The following OSBPL8 variants were observed in gnomAD, a reference collection of about 807,000 sequenced individuals.
OSBPL8 encodes the protein oxysterol-binding protein-related protein 8.
In OSBPL8, 59 loss-of-function variants were observed where a neutral mutation model predicts 125.5. The ratio of observed to expected loss-of-function variants is 0.47; its 90% confidence interval spans 0.38 to 0.58. The LOEUF (loss-of-function observed/expected upper bound fraction) is 0.58, where lower values mean the gene tolerates loss of function less well. Among genes scored for constraint, OSBPL8 ranks in the 20% least tolerant of loss-of-function variants. OSBPL8 has a pLI of 0.00. For missense variants in OSBPL8, 758 were observed against 1,047.8 expected (o/e 0.72, Z 3.82); for synonymous variants, 330 against 338.9 (o/e 0.97, Z 0.29).
At chr12:76,363,721 C>T (rs781073170) in intron 21 of OSBPL8, among the ~76,000 whole-genome samples, 16 of 152,134 alleles carry the variant, frequency 1.1e-4, no homozygotes, top group Non-Finnish European at 2.1e-4. Flanking sequence ...AGTGAACAGG[C>T]AACCTACAGA....
intron 1 of OSBPL8, among the ~76,000 whole-genome samples, chr12:76,534,992 T>G (rs1182864613): frequency 6.6e-6 from 1 of 151,640 alleles, no homozygotes; most frequent in Non-Finnish European, 1.5e-5. Context: ...AAAAATTAAC[T>G]CAAAATGAAT....
At chr12:76,415,934 T>A (rs1159262259) in intron 4 of OSBPL8, among the ~76,000 whole-genome samples, 1 of 152,096 alleles carries the variant, frequency 6.6e-6, no homozygotes, top group Non-Finnish European at 1.5e-5. Context: ...TAGTCTTACA[T>A]TTATTATAGT....
intron 4 of OSBPL8, among the ~76,000 whole-genome samples, chr12:76,425,085 TCAA>T (rs1869990443): frequency 6.6e-6 from 1 of 152,104 alleles, no homozygotes; most frequent in African/African-American, 2.4e-5. Context: ...GCTATTTACG[TCAA>T]CAACAATACT....
At chr12:76,526,575 T>C (rs920735530) in intron 1 of OSBPL8, among the ~76,000 whole-genome samples, 26 of 149,028 alleles carry the variant, frequency 1.7e-4, no homozygotes, top group Non-Finnish European at 3.4e-4. Flanking sequence ...ATATATAATA[T>C]ATAACTGTAA....
At chr12:76,467,276 T>C (rs1181821578) in intron 2 of OSBPL8, among the ~76,000 whole-genome samples, 2 of 152,154 alleles carry the variant, frequency 1.3e-5, no homozygotes, top group African/African-American at 2.4e-5. Flanking sequence ...AACTATTTGT[T>C]GTTCTTCCTC....
chr12:76,507,164 A>G (rs1257736617), intron 1 of OSBPL8, among the ~76,000 whole-genome samples: 1 of 151,734 alleles, frequency 6.6e-6, no homozygotes. Flanking sequence ...TCCTTTTGTT[A>G]TCAGTACTCC....
At chr12:76,419,173 C>G (rs1266574131) in intron 4 of OSBPL8, among the ~76,000 whole-genome samples, 1 of 151,412 alleles carries the variant, frequency 6.6e-6, no homozygotes, top group African/African-American at 2.4e-5. Context: ...GAGGCAGAGG[C>G]TGCAGTGCGC....
intron 2 of OSBPL8, 71 bp from the exon 3 acceptor site, chr12:76,459,966 C>T (rs923764250): frequency 6.1e-6 from 9 of 1,472,288 alleles, no homozygotes; most frequent in Middle Eastern, 1.7e-4. Flanking sequence ...TGCATCAGGA[C>T]GGAAACAGCA....
At chr12:76,465,555 G>A (rs1875312891) in intron 2 of OSBPL8, among the ~76,000 whole-genome samples, 3 of 151,646 alleles carry the variant, frequency 2.0e-5, no homozygotes, top group Admixed American at 2.0e-4. Flanking sequence ...GCAAGACTCC[G>A]TCTCAAAAAA....
chr12:76,365,231 T>C (rs1287174480), intron 21 of OSBPL8, among the ~76,000 whole-genome samples: 4 of 152,204 alleles, frequency 2.6e-5, no homozygotes, highest in Non-Finnish European at 5.9e-5. Context: ...CATGAGCCAC[T>C]GCGCCTGGCC....
At chr12:76,393,710 CAA>C (rs11423585) in intron 9 of OSBPL8, among the ~76,000 whole-genome samples, 1 of 52,294 alleles carries the variant, frequency 1.9e-5, no homozygotes, top group Non-Finnish European at 3.5e-5. Flanking sequence ...GACTCCGTTT[CAA>C]AAAAAAAAAA....
At chr12:76,374,469 T>G (rs1952737074) in intron 17 of OSBPL8, among the ~76,000 whole-genome samples, 1 of 152,098 alleles carries the variant, frequency 6.6e-6, no homozygotes, top group Non-Finnish European at 1.5e-5. Flanking sequence ...CTTCTCAGGC[T>G]AGGTCATGGA....
intron 16 of OSBPL8, among the ~76,000 whole-genome samples, chr12:76,376,914 A>G (rs1565839906): frequency 6.6e-6 from 1 of 152,046 alleles, no homozygotes. Context: ...TCCTAATGCT[A>G]TCCCTCCCCT....
chr12:76,554,244 GA>G (rs920762418), intron 1 of OSBPL8, among the ~76,000 whole-genome samples: 10 of 151,774 alleles, frequency 6.6e-5, no homozygotes, highest in Admixed American at 2.6e-4. Context: ...TAAAATGAGA[GA>G]AAAAAAATCA....
intron 2 of OSBPL8, among the ~76,000 whole-genome samples, chr12:76,475,198 G>C (rs951490260): frequency 6.6e-6 from 1 of 152,146 alleles, no homozygotes; most frequent in Non-Finnish European, 1.5e-5. Flanking sequence ...ATGTGGAGCT[G>C]TGGGTGTCTA....
chr12:76,536,052 A>G (rs1419828716), intron 1 of OSBPL8, among the ~76,000 whole-genome samples: 4 of 152,162 alleles, frequency 2.6e-5, no homozygotes, highest in African/African-American at 9.7e-5. Flanking sequence ...TGAATAAAGT[A>G]GTTTGGGTTT....
At chr12:76,376,601 TA>T (rs1325255556) in intron 16 of OSBPL8, among the ~76,000 whole-genome samples, 2 of 152,246 alleles carry the variant, frequency 1.3e-5, no homozygotes, top group Admixed American at 6.5e-5. Context: ...AATATAGTTT[TA>T]TTTTTTCTAA....
rs1241833541 is a variant in OSBPL8, at chr12:76,354,699, A to G, written c.*1190T>C. 1 of 152,016 alleles carries G rather than the reference A, an allele frequency of 6.6e-6. No homozygotes were observed. The highest frequency in any genetic ancestry group is 1.5e-5 in the Non-Finnish European group (1 of 67,864). 9.4% of individuals were successfully genotyped at this position (152,016 alleles called of 1,614,324 possible). A position where few individuals can be genotyped will look rare whatever the true frequency, so the allele number is the denominator to read the frequency against. On this transcript the variant is annotated 3_prime_UTR_variant, in exon 24 of 24. Transcript: ENST00000261183. ...TTAAACTGAAGAAACAAACAAAAAA[A>G]TTTGCCTTAGCCTGAACAATAGGAA...
rs552519713 is a variant in OSBPL8, at chr12:76,447,810, G to A, written c.217+3041C>T. On this transcript the variant is annotated intron_variant, in intron 4 of 23. Coordinates refer to ENST00000261183, the MANE Select transcript of OSBPL8 (RefSeq NM_020841.5). ...AATCCACCCGCCTTGGCCTCCCAAA[G>A]TGCTGGGATTACAGGCATGAGCCAC... 2.7e-3 allele frequency among the ~76,000 whole-genome samples: 404 copies of A among 152,266 alleles called. 2 individuals carry two copies. Among genetic ancestry groups the A allele is most frequent in the African/African-American group, 9.3e-3 (388 of 41,558 alleles).
Sources: gnomAD v4.1 joint callset for allele counts (sites outside exome capture counted in the v4.1 genomes callset) on GRCh38, gnomAD v4.1.1 for gene constraint, MANE v1.5 for transcripts, NCBI Gene and HGNC (gene_info 2026-07-23, HGNC 2026-07-21) for gene names.